Variants in TMEM171 observed in about 807,000 individuals in gnomAD.
TMEM171 encodes proline-rich protein PRP2.
In TMEM171, 16 loss-of-function variants were observed where a neutral mutation model predicts 19.1. The observed-to-expected ratio is 0.84, with a 90% CI of 0.57 to 1.27. The LOEUF is 1.27. Among genes scored for constraint, TMEM171 ranks in the 50% most tolerant of loss-of-function variants. TMEM171 has a pLI of 0.00. For synonymous variants in TMEM171, 153 were observed against 163.4 expected (o/e 0.94, Z 0.48); for missense variants, 429 against 412.7 (o/e 1.04, Z -0.34).
rs764879744 is a variant in TMEM171, at chr5:73,131,719, T to TC, written c.968dup (p.Pro324ThrfsTer7). Reference sequence around the variant, plus strand: ...ATTCTTGCCTCTATCTTCTGAGCCTTCCCCACCGTAAACTATGGACTCTAG... The same window carrying TC: ...ATTCTTGCCTCTATCTTCTGAGCCTTCCCCCACCGTAAACTATGGACTCTAG... On this transcript the variant is annotated frameshift_variant, in exon 4 of 4. Transcript: ENST00000454765. LOFTEE classifies it high-confidence loss of function. 6.2e-7 allele frequency: 1 copy of TC among 1,610,410 alleles called. No homozygotes were observed. Among genetic ancestry groups the TC allele is most frequent in the East Asian group, 2.2e-5 (1 of 44,808 alleles).
At chr5:73,127,407 A>ATATAT (rs1364234564) in intron 2 of TMEM171, among the ~76,000 whole-genome samples, 1 of 137,088 alleles carries the variant, frequency 7.3e-6, no homozygotes, top group African/African-American at 2.9e-5. Flanking sequence ...ATATATATAT[A>ATATAT]AAGCATAAAC....
chr5:73,128,333 C>T, intron 2 of TMEM171, 57 bp from the exon 3 acceptor site: 2 of 1,583,240 alleles, frequency 1.3e-6, no homozygotes, highest in Admixed American at 1.8e-5. Flanking sequence ...TTTGCTTTTG[C>T]TAATTTGCTT....
At chr5:73,130,853 C>G (rs530197094) in intron 3 of TMEM171, among the ~76,000 whole-genome samples, 1 of 152,252 alleles carries the variant, frequency 6.6e-6, no homozygotes, top group East Asian at 1.9e-4. Context: ...TCCCCAAACC[C>G]TAAAATCAGT....
rs1561515743 is a variant in TMEM171, at chr5:73,131,804, A to G, written c.*74A>G. The G allele has an allele frequency of 2.2e-6, 3 of 1,363,250 alleles. No individual in the cohort carries two copies. Among genetic ancestry groups the G allele is most frequent in the East Asian group, 5.1e-5 (2 of 39,470 alleles). 84.4% of individuals were successfully genotyped at this position (1,363,250 alleles called of 1,614,324 possible). A position where few individuals can be genotyped will look rare whatever the true frequency, so the allele number is the denominator to read the frequency against. ...TAATTTTTTTTAAATAAAAAATACA[A>G]TAGCATTGGCTATATTCTGACTTTC... On this transcript the variant is annotated 3_prime_UTR_variant, in exon 4 of 4. Transcript: ENST00000454765.
intron 2 of TMEM171, among the ~76,000 whole-genome samples, chr5:73,124,418 T>C (rs1374508156): frequency 6.6e-6 from 1 of 152,204 alleles, no homozygotes; most frequent in Non-Finnish European, 1.5e-5. Context: ...GCATTTTAGT[T>C]GTGGGACACT....
chr5:73,127,384 A>AAAAAAATATATATATAT, intron 2 of TMEM171, among the ~76,000 whole-genome samples: 1 of 81,696 alleles, frequency 1.2e-5, no homozygotes, highest in African/African-American at 6.6e-5. Flanking sequence ...AAAAAAAAAA[A>AAAAAAATATATATATAT]ATATATATAT....
At chr5:73,129,536 G>A (rs1035955092) in intron 3 of TMEM171, among the ~76,000 whole-genome samples, 3 of 152,146 alleles carry the variant, frequency 2.0e-5, no homozygotes, top group Non-Finnish European at 4.4e-5. Context: ...AGCGTGAAAC[G>A]GCCGTAGATT....
intron 3 of TMEM171, among the ~76,000 whole-genome samples, chr5:73,129,143 T>C (rs1020487195): frequency 6.6e-6 from 1 of 152,014 alleles, no homozygotes; most frequent in Admixed American, 6.6e-5. Flanking sequence ...AAAGCAAAAT[T>C]TTATTGAAAA....
At position 73,120,642 on chromosome 5, in the gene TMEM171, C is replaced by A; in HGVS notation, c.-123C>A. ...AGGCCGCGTGCGGAGGCGGACGCCG[C>A]GCCCAGCCAGTGCCCACAGCAGCGC... On this transcript the variant is annotated 5_prime_UTR_variant, in exon 1 of 4. Coordinates refer to ENST00000454765, the MANE Select transcript of TMEM171 (RefSeq NM_173490.8). 2.0e-6 allele frequency: 2 copies of A among 984,750 alleles called. No individual in the cohort carries two copies. The highest frequency in any genetic ancestry group is 2.4e-6 in the Non-Finnish European group (2 of 829,812). 61.0% of individuals were successfully genotyped at this position (984,750 alleles called of 1,614,324 possible). A position where few individuals can be genotyped will look rare whatever the true frequency, so the allele number is the denominator to read the frequency against.
rs1483025924 is a variant in TMEM171 at position 73,128,382 on chromosome 5, TG to T, written c.641-7del. The T allele has an allele frequency of 6.2e-7, 1 of 1,612,546 alleles. No individual in the cohort carries two copies. Among genetic ancestry groups the T allele is most frequent in the Non-Finnish European group, 8.5e-7 (1 of 1,179,224 alleles). ...ACCTGTTGTCAACTAAATATTGTTT[TG>T]CCTTAGGTGACTCGGTAATAATATT... On this transcript the variant is annotated splice_polypyrimidine_tract_variant and splice_region_variant and intron_variant, in intron 2 of 3. Coordinates refer to ENST00000454765, the MANE Select transcript of TMEM171 (RefSeq NM_173490.8).
intron 2 of TMEM171, among the ~76,000 whole-genome samples, chr5:73,128,038 C>T (rs992139513): frequency 5.9e-5 from 9 of 152,152 alleles, no homozygotes; most frequent in Non-Finnish European, 8.8e-5. Flanking sequence ...AGCCACTGCA[C>T]CCAGCCAAAC....
At chr5:73,129,230 A>G (rs1317188815) in intron 3 of TMEM171, among the ~76,000 whole-genome samples, 1 of 152,212 alleles carries the variant, frequency 6.6e-6, no homozygotes, top group Non-Finnish European at 1.5e-5. Context: ...TCTTGGGTCC[A>G]AATCACCCCT....
At chr5:73,131,493 C>T (rs766287232) in intron 3 of TMEM171, 45 bp from the exon 4 acceptor site, 1 of 1,474,838 alleles carries the variant, frequency 6.8e-7, no homozygotes, top group South Asian at 1.4e-5. Flanking sequence ...AGGGGTGTCA[C>T]TGTTTTCATC....
intron 2 of TMEM171, among the ~76,000 whole-genome samples, chr5:73,124,800 C>T (rs1391622826): frequency 6.6e-6 from 1 of 152,200 alleles, no homozygotes; most frequent in African/African-American, 2.4e-5. Flanking sequence ...GAGCCTGCCC[C>T]CTCAGAACAA....
intron 3 of TMEM171, 81 bp downstream of exon 3, chr5:73,128,612 C>T (rs1353950581): frequency 1.1e-5 from 17 of 1,522,320 alleles, no homozygotes; most frequent in Non-Finnish European, 1.5e-5. Context: ...CACCAGGAGG[C>T]ATTCAAGTGT....
intron 2 of TMEM171, among the ~76,000 whole-genome samples, chr5:73,124,879 CT>C (rs1273349331): frequency 2.6e-5 from 4 of 152,300 alleles, no homozygotes; most frequent in Middle Eastern, 3.4e-3. Flanking sequence ...TGGCAGATCA[CT>C]TTTTTTCAGT....
At position 73,120,712 on chromosome 5, in the gene TMEM171, C is replaced by T. The variant is rs1580231277; in HGVS notation, c.-69+16C>T. Reference sequence around the variant, plus strand: ...CCAGCTTCAGGTAAGCTGCCCCGGCCCGCGCGCCTGCGCCGGCGGCGGCGG... The same window carrying T: ...CCAGCTTCAGGTAAGCTGCCCCGGCTCGCGCGCCTGCGCCGGCGGCGGCGG... On this transcript the variant is annotated intron_variant, in intron 1 of 3. Transcript: ENST00000454765. 3.0e-6 allele frequency: 3 copies of T among 983,730 alleles called. No individual in the cohort carries two copies. Among genetic ancestry groups the T allele is most frequent in the African/African-American group, 3.5e-5 (2 of 57,168 alleles). 60.9% of individuals were successfully genotyped at this position (983,730 alleles called of 1,614,324 possible). A position where few individuals can be genotyped will look rare whatever the true frequency, so the allele number is the denominator to read the frequency against.
Position 73,120,683 on chromosome 5 carries a change from G to T in TMEM171, c.-82G>T. On this transcript the variant is annotated 5_prime_UTR_variant, in exon 1 of 4. Coordinates refer to ENST00000454765, the MANE Select transcript of TMEM171 (RefSeq NM_173490.8). ...ACAGCAGCGCGGTCAGCCAGGCGCC[G>T]GACCCAGCTTCAGGTAAGCTGCCCC... The T allele has an allele frequency of 1.0e-6, 1 of 983,980 alleles. No individual in the cohort carries two copies. The highest frequency in any genetic ancestry group is 1.2e-6 in the Non-Finnish European group (1 of 829,578). 61.0% of individuals were successfully genotyped at this position (983,980 alleles called of 1,614,324 possible).
chr5:73,121,394 AAAC>A (rs2047006177), intron 1 of TMEM171, among the ~76,000 whole-genome samples: 1 of 152,312 alleles, frequency 6.6e-6, no homozygotes, highest in Admixed American at 6.5e-5. Context: ...AAAAAAATTA[AAAC>A]AACAACAATA....
Sources: gnomAD v4.1 joint callset for allele counts (sites outside exome capture counted in the v4.1 genomes callset) on GRCh38, gnomAD v4.1.1 for gene constraint, MANE v1.5 for transcripts, NCBI Gene and HGNC (gene_info 2026-07-23, HGNC 2026-07-21) for gene names.